The following CLYBL variants were observed in gnomAD, a reference collection of about 807,000 sequenced individuals.
CLYBL encodes the protein citramalyl-CoA lyase, mitochondrial.
In CLYBL, 31 loss-of-function variants were observed where a neutral mutation model predicts 38.9. The observed-to-expected ratio is 0.80, with a 90% confidence interval of 0.60 to 1.08. The LOEUF (loss-of-function observed/expected upper bound fraction) is 1.08. Among genes scored for constraint, CLYBL ranks in the 50% least tolerant of loss-of-function variants. The pLI, the probability that CLYBL is intolerant of heterozygous loss-of-function variation, is 0.00. For missense variants in CLYBL, 434 were observed against 411.6 expected, an observed-to-expected ratio of 1.05 and a Z score of -0.47; for synonymous variants, 171 against 158.6, an observed-to-expected ratio of 1.08 and a Z score of -0.59.
At chr13:99,729,122 A>G (rs2048535836) in intron 1 of CLYBL, among the ~76,000 whole-genome samples, 1 of 152,192 alleles carries the variant, frequency 6.6e-6, no homozygotes, top group Admixed American at 6.5e-5. Context: ...GATCTCTCTC[A>G]TCTTCAGCTG....
intron 1 of CLYBL, among the ~76,000 whole-genome samples, chr13:99,744,749 T>C (rs1382995347): frequency 6.6e-6 from 1 of 151,852 alleles, no homozygotes; most frequent in East Asian, 1.9e-4. Flanking sequence ...AGAGAAGATA[T>C]GAGATGAAAG....
rs2051821460 is a variant in CLYBL at position 99,869,031 on chromosome 13, C to T, written c.803-1907C>T. On this transcript the variant is annotated intron_variant, in intron 6 of 8. Coordinates refer to ENST00000339105, the MANE Select transcript of CLYBL (RefSeq NM_206808.5). This position sits in a 1 kb window ranked among gnomAD's most constrained non-coding sequence, Gnocchi z 4.3. ...CACCCTCTCAGTAACTTGTCAATAA[C>T]AACTCTTTTGTATAAAATATTTGCC... Among the ~76,000 whole-genome samples the T allele has an allele frequency of 1.3e-5, 2 of 152,222 alleles. No homozygotes were observed. Among genetic ancestry groups the T allele is most frequent in the South Asian group, 2.1e-4 (1 of 4,824 alleles).
chr13:99,866,147 T>C, intron 5 of CLYBL, 93 bp from the exon 6 acceptor site: 1 of 1,249,436 alleles, frequency 8.0e-7, no homozygotes, highest in Non-Finnish European at 1.1e-6. Context: ...CAGGGAGGTT[T>C]AGATATCTGT....
chr13:99,737,205 C>G (rs897667005), intron 1 of CLYBL, among the ~76,000 whole-genome samples: 1 of 147,444 alleles, frequency 6.8e-6, no homozygotes, highest in Non-Finnish European at 1.5e-5. Flanking sequence ...GCTCCCCGGT[C>G]CCCCTGTAAG....
intron 1 of CLYBL, among the ~76,000 whole-genome samples, chr13:99,738,840 G>T (rs1294754407): frequency 6.6e-6 from 1 of 152,120 alleles, no homozygotes; most frequent in Admixed American, 6.5e-5. Context: ...AGGGGGACAA[G>T]GCTTGCATCT....
intron 2 of CLYBL, among the ~76,000 whole-genome samples, chr13:99,833,938 G>A (rs1380316685): frequency 6.6e-6 from 1 of 152,102 alleles, no homozygotes; most frequent in East Asian, 1.9e-4. Context: ...CTGATATCGT[G>A]ATCTGCCCAC....
At chr13:99,836,925 A>G (rs1453058608) in intron 2 of CLYBL, among the ~76,000 whole-genome samples, 1 of 152,102 alleles carries the variant, frequency 6.6e-6, no homozygotes, top group Non-Finnish European at 1.5e-5. Context: ...GCATTAGGAG[A>G]TACACCTAAT....
intron 2 of CLYBL, among the ~76,000 whole-genome samples, chr13:99,820,748 G>A (rs569289442): frequency 1.4e-4 from 22 of 152,280 alleles, no homozygotes; most frequent in African/African-American, 4.3e-4. Flanking sequence ...TTTAGGTTTC[G>A]TGTGAACTCA....
intron 1 of CLYBL, among the ~76,000 whole-genome samples, chr13:99,715,703 T>C (rs1488556243): frequency 6.6e-6 from 1 of 152,218 alleles, no homozygotes; most frequent in Non-Finnish European, 1.5e-5. Context: ...CCCACTACCC[T>C]GCCTTCAGAG....
downstream of CLYBL, among the ~76,000 whole-genome samples, chr13:99,900,724 A>G (rs546022123): frequency 5.9e-5 from 9 of 152,266 alleles, no homozygotes; most frequent in Admixed American, 1.3e-4. Context: ...GTGCTTCCAC[A>G]TCAGGTTCCC....
chr13:99,788,368 C>T, intron 2 of CLYBL, among the ~76,000 whole-genome samples: 1 of 152,184 alleles, frequency 6.6e-6, no homozygotes, highest in African/African-American at 2.4e-5. Context: ...TTTTGAGATA[C>T]ATCCCATCAA....
intron 7 of CLYBL, among the ~76,000 whole-genome samples, 180 bp downstream of exon 7, chr13:99,871,242 G>A (rs1487640161): frequency 6.6e-6 from 1 of 152,160 alleles, no homozygotes; most frequent in African/African-American, 2.4e-5. Context: ...CCCTGCCCAT[G>A]TTCCTAAATA....
At chr13:99,833,922 G>A (rs1478574298) in intron 2 of CLYBL, among the ~76,000 whole-genome samples, 2 of 151,738 alleles carry the variant, frequency 1.3e-5, no homozygotes, top group Non-Finnish European at 2.9e-5. Flanking sequence ...GGATGGTCTC[G>A]GTCTCCTGAT....
chr13:99,890,741 T>G (rs2052468664), intron 7 of CLYBL, among the ~76,000 whole-genome samples: 1 of 152,182 alleles, frequency 6.6e-6, no homozygotes, highest in Admixed American at 6.5e-5. Context: ...GTGCTGGGAT[T>G]ACAGGTGTGA....
At chr13:99,901,323 A>T (rs2052639616), downstream of CLYBL, among the ~76,000 whole-genome samples, 1 of 152,166 alleles carries the variant, frequency 6.6e-6, no homozygotes, top group South Asian at 2.1e-4. Flanking sequence ...CAAAAATAAC[A>T]AATGTAGGAA....
intron 1 of CLYBL, among the ~76,000 whole-genome samples, chr13:99,660,279 G>A (rs2047390006): frequency 6.6e-6 from 1 of 152,222 alleles, no homozygotes; most frequent in Admixed American, 6.5e-5. Flanking sequence ...AAAGCATTGT[G>A]TTTGGGAAAG....
rs1274001223 is a variant in CLYBL at position 99,792,620 on chromosome 13, G to A, written c.249+19610G>A. Among the ~76,000 whole-genome samples the A allele has an allele frequency of 3.4e-5, 5 of 148,744 alleles. No individual in the cohort carries two copies. The East Asian group carries it at 1.0e-3, about 31-fold the overall frequency. On this transcript the variant is annotated intron_variant, in intron 2 of 8. Transcript: ENST00000339105. ...CCCTGGAGTTTCTCAACTGGGCCATGCTCTTTGAATGCTTCTCCTGCCAAG... is the reference window on the plus strand; with the variant it reads ...CCCTGGAGTTTCTCAACTGGGCCATACTCTTTGAATGCTTCTCCTGCCAAG...
rs34634591 is a variant in CLYBL at position 99,662,510 on chromosome 13, CTTTT to C, written c.62+55769_62+55772del. ...ATTTGTGTATTCCAAATCTTTAAAA[CTTTT>C]TTTTTTTTTTTTTTTGGTCAGGCAG... On this transcript the variant is annotated intron_variant, in intron 1 of 8. Coordinates refer to ENST00000339105, the MANE Select transcript of CLYBL (RefSeq NM_206808.5). Among the ~76,000 whole-genome samples the C allele has an allele frequency of 6.6e-3, 806 of 122,364 alleles. 7 individuals are homozygous for C. The highest frequency in any genetic ancestry group is 0.021 in the African/African-American group (714 of 33,628). The allele number at this position is 122,364 out of a possible 152,430, so 80.3% of individuals were successfully genotyped here.
chr13:99,789,267 C>G (rs1011600160), intron 2 of CLYBL, among the ~76,000 whole-genome samples: 3 of 152,134 alleles, frequency 2.0e-5, no homozygotes, highest in Non-Finnish European at 4.4e-5. Context: ...TCTTGCTTCT[C>G]TAGTTCTTTT....
Sources: allele counts gnomAD v4.1 joint callset (sites outside exome capture counted in the v4.1 genomes callset), GRCh38; gene constraint gnomAD v4.1.1; non-coding constraint Gnocchi (gnomAD v3.1); transcripts MANE v1.5; gene names NCBI Gene and HGNC (gene_info 2026-07-23, HGNC 2026-07-21).